DIAPH1: variants seen among roughly 807,000 people sequenced by gnomAD.
DIAPH1 encodes the protein diaphanous related formin 1.
A neutral mutation model predicts 140.7 loss-of-function variants in DIAPH1; 46 were observed. The observed-to-expected ratio is 0.33, with a 90% CI of 0.26 to 0.42. The LOEUF is 0.42. Ranked by LOEUF, DIAPH1 falls within the 10% of genes least tolerant of loss-of-function variation. The pLI is 1.00. For synonymous variants in DIAPH1, 565 were observed against 551.6 expected, an observed-to-expected ratio of 1.02 and a Z score of -0.34; for missense variants, 1,310 against 1,558.7, an observed-to-expected ratio of 0.84 and a Z score of 2.69.
rs752282481 is a variant in DIAPH1, at chr5:141,583,227, T to A, written c.599A>T (p.Asp200Val). The change falls in exon 6 of 28, where the codon GAT becomes GTT. Residue 200 changes from aspartate (D) to valine (V), a missense_variant. Coordinates refer to ENST00000389054, the MANE Select transcript of DIAPH1 (RefSeq NM_005219.5). ...SLLDILKRLH[D>V]EKEETAGSYD... ...TCACCCAGCAGTCTCTTCTTTCTCATCATGAAGTCGTTTAAGAATGTCCAA... is the reference window on the plus strand; with the variant it reads ...TCACCCAGCAGTCTCTTCTTTCTCAACATGAAGTCGTTTAAGAATGTCCAA... 15 of 1,614,222 alleles carry A rather than the reference T, an allele frequency of 9.3e-6. No homozygotes were observed. The highest frequency in any genetic ancestry group is 1.3e-5 in the Non-Finnish European group (15 of 1,180,026).
chr5:141,562,610 A>C (rs910637242), intron 18 of DIAPH1, among the ~76,000 whole-genome samples: 20 of 123,990 alleles, frequency 1.6e-4, no homozygotes, highest in South Asian at 5.5e-4. Flanking sequence ...CCTATGCAAA[A>C]AAAAAAAAAC....
Position 141,576,829 on chromosome 5 carries a change from T to A in DIAPH1, c.1323A>T (p.Ile441=), listed in dbSNP as rs1421257259. 4 of 1,613,814 alleles carry A rather than the reference T, an allele frequency of 2.5e-6. No individual in the cohort carries two copies. In the African/African-American group the frequency reaches 5.3e-5, roughly 22 times the overall value. ...YKLIEECISQ[I]VLHKNGADPD... is the part of the protein sequence containing the mutation. The stretch of plus-strand genomic sequence containing the variant: ...GATCAGCCCCGTTCTTGTGCAGAAC[T>A]ATCTGGGAAATACATTCTTCAATCA... Residue 441 remains isoleucine, a synonymous_variant, in exon 13 of 28, where the codon ATA becomes ATT. Transcript: ENST00000389054.
chr5:141,571,576 TATTA>T lies in DIAPH1; in HGVS notation c.2474-144_2474-141del. 9.3e-6 allele frequency: 7 copies of T among 749,964 alleles called. No homozygotes were observed. The South Asian group carries it at 1.2e-4, about 13-fold the overall frequency. The allele number at this position is 749,964 out of a possible 1,614,324, so 46.5% of individuals were successfully genotyped here. ...ACTGTTAAAGACTCTTTCCAACCCTTATTAATTATGTACTTAGAACTGGAAACTG... is the reference window on the plus strand; with the variant it reads ...ACTGTTAAAGACTCTTTCCAACCCTTATTATGTACTTAGAACTGGAAACTG... On this transcript the variant is annotated intron_variant, in intron 17 of 27. Coordinates refer to ENST00000389054, the MANE Select transcript of DIAPH1 (RefSeq NM_005219.5).
At chr5:141,522,509 T>G (rs2099886695) in intron 27 of DIAPH1, among the ~76,000 whole-genome samples, 2 of 150,576 alleles carry the variant, frequency 1.3e-5, no homozygotes, top group African/African-American at 4.9e-5. Flanking sequence ...TCTAGTATAG[T>G]TCCACAGGAA....
chr5:141,581,102 T>G (rs1379732294), intron 7 of DIAPH1, among the ~76,000 whole-genome samples: 1 of 152,214 alleles, frequency 6.6e-6, no homozygotes, highest in Non-Finnish European at 1.5e-5. Context: ...GAAAGGGTCC[T>G]TAATCCAATA....
chr5:141,618,750 G>A, intron 1 of DIAPH1, 48 bp downstream of exon 1: 1 of 1,387,168 alleles, frequency 7.2e-7, no homozygotes, highest in South Asian at 1.3e-5. Context: ...CAGGGGTCCA[G>A]AGGGCGGTTA....
At position 141,579,190 on chromosome 5, in the gene DIAPH1, T is replaced by G; in HGVS notation, c.831A>C (p.Glu277Asp). The change falls in exon 9 of 28, where the codon GAA (glutamate) becomes GAC (aspartate). Residue 277 changes from glutamate (E) to aspartate (D), a missense_variant. Transcript: ENST00000389054. ...CILPQPEDMN[E>D]RVLEAMTERA... ...TTTCTGTCATTGCCTCCAAAACCCT[T>G]TCATTCCTGCCCAAGAGAAAGGAAA... 6.2e-7 allele frequency: 1 copy of G among 1,613,658 alleles called. No homozygotes were observed. Among genetic ancestry groups the G allele is most frequent in the East Asian group, 2.2e-5 (1 of 44,874 alleles).
intron 1 of DIAPH1, among the ~76,000 whole-genome samples, chr5:141,614,815 T>TA (rs3840354): frequency 7.6e-4 from 113 of 148,072 alleles, no homozygotes; most frequent in East Asian, 2.8e-3. Context: ...CATCATCTGT[T>TA]AAAAAAAAAA....
chr5:141,617,421 T>A (rs2099902863), intron 1 of DIAPH1, among the ~76,000 whole-genome samples: 1 of 152,220 alleles, frequency 6.6e-6, no homozygotes. Context: ...GAGTCACTAT[T>A]TTAATTCTAT....
chr5:141,574,072 C>A lies in DIAPH1; in HGVS notation c.1778G>T (p.Gly593Val). The change falls in exon 16 of 28, where the codon GGC becomes GTC. Residue 593 changes from glycine (G) to valine (V), a missense_variant. Physicochemically the swap from Gly to Val is moderately radical, Grantham distance 109 (BLOSUM62 -3). Transcript: ENST00000389054. ...AGCAGGTGGTGGTGGAATAATAGTG[C>A]CAGAGTCACCAGGTAAAGGAGGGGC... ...PPAPPLPGDSGTIIPPPPAPG... is the reference protein window; with the variant it reads ...PPAPPLPGDSVTIIPPPPAPG... The A allele has an allele frequency of 6.2e-7, 1 of 1,610,118 alleles. No homozygotes were observed. Among genetic ancestry groups the A allele is most frequent in the Non-Finnish European group, 8.5e-7 (1 of 1,178,246 alleles).
At chr5:141,533,720 T>C (rs187635289) in intron 19 of DIAPH1, among the ~76,000 whole-genome samples, 3 of 152,228 alleles carry the variant, frequency 2.0e-5, no homozygotes, top group Admixed American at 2.0e-4. Flanking sequence ...AGCAAGGAAA[T>C]GTCCAGTGGC....
intron 18 of DIAPH1, among the ~76,000 whole-genome samples, chr5:141,559,251 AG>A (rs2099893153): frequency 6.6e-6 from 1 of 152,220 alleles, no homozygotes; most frequent in Non-Finnish European, 1.5e-5. Flanking sequence ...AATATACATA[AG>A]GGATAAATTC....
At chr5:141,605,069 A>G (rs1029168999) in intron 1 of DIAPH1, among the ~76,000 whole-genome samples, 5 of 152,186 alleles carry the variant, frequency 3.3e-5, no homozygotes, top group Non-Finnish European at 7.3e-5. Flanking sequence ...TATATCATGT[A>G]CTGTTCTCTT....
intron 10 of DIAPH1, 35 bp from the exon 11 acceptor site, chr5:141,578,378 A>G: frequency 6.4e-7 from 1 of 1,573,126 alleles, no homozygotes; most frequent in Non-Finnish European, 8.8e-7. Context: ...AGGGAACCCA[A>G]AAGTATCCTC....
At chr5:141,597,332 C>A (rs1229267558) in intron 1 of DIAPH1, among the ~76,000 whole-genome samples, 1 of 152,134 alleles carries the variant, frequency 6.6e-6, no homozygotes. Flanking sequence ...ACAATAATAT[C>A]AACAGCTGGG....
Position 141,526,302 on chromosome 5 carries a change from A to G in DIAPH1, c.3433T>C (p.Phe1145Leu), listed in dbSNP as rs2099887315. 1.2e-6 allele frequency: 2 copies of G among 1,614,174 alleles called. No homozygotes were observed. Among genetic ancestry groups the G allele is most frequent in the Non-Finnish European group, 1.7e-6 (2 of 1,180,028 alleles). Residue 1145 changes from phenylalanine to leucine, a missense_variant, in exon 25 of 28, where the codon TTT (phenylalanine) becomes CTT (leucine). This residue lies in a region of DIAPH1 where 344 missense variants were observed against 512.2 expected (regional missense o/e 0.67). Coordinates refer to ENST00000389054, the MANE Select transcript of DIAPH1 (RefSeq NM_005219.5). ...FMDLHNFRNM[F>L]LQAVKENQKR... The stretch of plus-strand genomic sequence containing the variant: ...AGCAAGTATCCCTTGCTCACCAAAA[A>G]CATATTCCGAAAATTGTGAAGATCC...
intron 1 of DIAPH1, 23 bp from the exon 2 acceptor site, chr5:141,588,273 G>GA: frequency 6.2e-7 from 1 of 1,601,736 alleles, no homozygotes; most frequent in East Asian, 2.2e-5. Context: ...AAAAAGGAGG[G>GA]AGAAGAAAGA....
intron 18 of DIAPH1, among the ~76,000 whole-genome samples, chr5:141,543,447 C>T (rs1327502114): frequency 6.6e-6 from 1 of 152,154 alleles, no homozygotes; most frequent in East Asian, 1.9e-4. Flanking sequence ...GTGGTAATGG[C>T]TGGACAACTT....
At chr5:141,612,960 A>T (rs2099902080) in intron 1 of DIAPH1, among the ~76,000 whole-genome samples, 1 of 152,194 alleles carries the variant, frequency 6.6e-6, no homozygotes, top group South Asian at 2.1e-4. Context: ...CAGTATTTTA[A>T]ATCTTAAAAG....
Sources: allele counts gnomAD v4.1 joint callset (sites outside exome capture counted in the v4.1 genomes callset), GRCh38; gene constraint gnomAD v4.1.1; regional missense constraint gnomAD v4.1.1; transcripts MANE v1.5; gene names NCBI Gene and HGNC (gene_info 2026-07-23, HGNC 2026-07-21).